FAM193A: variants seen among roughly 807,000 people sequenced by gnomAD.
The protein encoded by FAM193A is protein FAM193A.
In FAM193A, 22 loss-of-function variants were observed where a neutral mutation model predicts 126.5. The ratio of observed to expected loss-of-function variants is 0.17; its 90% CI spans 0.12 to 0.25. The LOEUF (loss-of-function observed/expected upper bound fraction) is 0.25, where lower values mean the gene tolerates loss of function less well. Among genes scored for constraint, FAM193A ranks in the 10% least tolerant of loss-of-function variants. The pLI, the probability that FAM193A is intolerant of heterozygous loss-of-function variation, is 1.00. For synonymous variants in FAM193A, 761 were observed against 646.8 expected, an observed-to-expected ratio of 1.18 and a Z score of -2.68; for missense variants, 1,675 against 1,672.8, an observed-to-expected ratio of 1.00 and a Z score of -0.02.
At chr4:2,590,712 G>T (rs2108897343) in intron 1 of FAM193A, among the ~76,000 whole-genome samples, 1 of 151,748 alleles carries the variant, frequency 6.6e-6, no homozygotes, top group Non-Finnish European at 1.5e-5. Flanking sequence ...GTAGTATAAT[G>T]AATATATGAT....
chr4:2,559,571 C>T (rs575003126), intron 1 of FAM193A, among the ~76,000 whole-genome samples: 6 of 152,328 alleles, frequency 3.9e-5, no homozygotes, highest in African/African-American at 1.2e-4. Flanking sequence ...GCTGGGATTA[C>T]AGGCGTGAGC....
At chr4:2,571,402 G>A (rs929900863) in intron 1 of FAM193A, among the ~76,000 whole-genome samples, 1 of 152,100 alleles carries the variant, frequency 6.6e-6, no homozygotes, top group African/African-American at 2.4e-5. Context: ...GTGAACTTCT[G>A]TTTGGTTATG....
intron 2 of FAM193A, among the ~76,000 whole-genome samples, chr4:2,609,507 A>G (rs1460290423): frequency 6.6e-6 from 1 of 152,140 alleles, no homozygotes; most frequent in African/African-American, 2.4e-5. Flanking sequence ...CTTTATTCTC[A>G]TATATCATAT....
chr4:2,544,914 G>T (rs569695083), intron 1 of FAM193A, among the ~76,000 whole-genome samples: 2 of 151,868 alleles, frequency 1.3e-5, no homozygotes, highest in Non-Finnish European at 2.9e-5. Flanking sequence ...TTTTCCGGAT[G>T]TTCCCTCATC....
intron 1 of FAM193A, among the ~76,000 whole-genome samples, chr4:2,547,281 G>C (rs769849155): frequency 6.6e-6 from 1 of 152,084 alleles, no homozygotes; most frequent in East Asian, 1.9e-4. Flanking sequence ...CCAGCTACTC[G>C]GGAGGTTGAG....
rs145409203 is a variant in FAM193A at position 2,656,032 on chromosome 4, C to T, written c.1312-1771C>T. Among the ~76,000 whole-genome samples the T allele has an allele frequency of 3.9e-3, 587 of 152,264 alleles. 2 individuals carry two copies. Among genetic ancestry groups the T allele is most frequent in the African/African-American group, 0.012 (478 of 41,540 alleles). Reference sequence around the variant, plus strand: ...AAATTCCTGGCCTCAAGTGATCCTCCTGCTTTGGCCTACCAAAGTGCTGGG... The same window carrying T: ...AAATTCCTGGCCTCAAGTGATCCTCTTGCTTTGGCCTACCAAAGTGCTGGG... On this transcript the variant is annotated intron_variant, in intron 7 of 20. Transcript: ENST00000637812.
chr4:2,571,781 C>A (rs983145106), intron 1 of FAM193A, among the ~76,000 whole-genome samples: 5 of 151,606 alleles, frequency 3.3e-5, no homozygotes, highest in African/African-American at 1.2e-4. Context: ...CTCAGGTGAT[C>A]CACCGGCCTC....
At chr4:2,542,130 C>G (rs1737274450) in intron 1 of FAM193A, among the ~76,000 whole-genome samples, 1 of 152,076 alleles carries the variant, frequency 6.6e-6, no homozygotes, top group Non-Finnish European at 1.5e-5. Context: ...ATTCTTTTGC[C>G]TCAGCCTCCT....
intron 1 of FAM193A, among the ~76,000 whole-genome samples, chr4:2,541,802 GC>G (rs1034460487): frequency 7.9e-5 from 12 of 151,830 alleles, no homozygotes; most frequent in African/African-American, 2.9e-4. Context: ...TGTATTTTAA[GC>G]TTTTAAAATA....
chr4:2,701,778 AT>A (rs747065399), intron 19 of FAM193A, among the ~76,000 whole-genome samples: 308 of 142,520 alleles, frequency 2.2e-3, no homozygotes, highest in Non-Finnish European at 1.8e-3. Flanking sequence ...TCATATGGTG[AT>A]TTTTTTTTTT....
chr4:2,726,778 CAA>C (rs71589604), intron 20 of FAM193A, among the ~76,000 whole-genome samples: 4,316 of 44,918 alleles, frequency 0.096, 135 homozygotes, highest in African/African-American at 0.21. Context: ...CTAAAAATAC[CAA>C]AAAAAAAAAA....
intron 19 of FAM193A, among the ~76,000 whole-genome samples, chr4:2,712,793 GC>G (rs1719122624): frequency 6.6e-6 from 1 of 151,204 alleles, no homozygotes; most frequent in Non-Finnish European, 1.5e-5. Flanking sequence ...GGGGTTTTTT[GC>G]TTTTTTATTT....
chr4:2,590,928 G>A lies in FAM193A; in HGVS notation c.256-5156G>A, dbSNP rs544074447. Among the ~76,000 whole-genome samples, 305 of 152,026 alleles carry A rather than the reference G, an allele frequency of 2.0e-3. 1 individual carries two copies. Among genetic ancestry groups the A allele is most frequent in the Middle Eastern group, 0.01 (3 of 294 alleles). ...TGTAATCCCAGCTACTTGGTAGGCT[G>A]AGGCAGGAGAATCACTTGAACCTGG... is the stretch of plus-strand genomic sequence containing the variant. On this transcript the variant is annotated intron_variant, in intron 1 of 20. Coordinates refer to ENST00000637812, the MANE Select transcript of FAM193A (RefSeq NM_001366318.2).
chr4:2,642,981 G>A (rs532992508), intron 6 of FAM193A, among the ~76,000 whole-genome samples: 12 of 152,018 alleles, frequency 7.9e-5, no homozygotes, highest in African/African-American at 1.2e-4. Flanking sequence ...TGGATTTTCC[G>A]TTTGCTCATT....
At chr4:2,687,017 C>G (rs964815528) in intron 13 of FAM193A, among the ~76,000 whole-genome samples, 4 of 152,070 alleles carry the variant, frequency 2.6e-5, no homozygotes, top group Admixed American at 1.3e-4. Context: ...TTTACTGTAT[C>G]CTGGGTGGCC....
At chr4:2,694,875 C>T (rs1339758555) in intron 16 of FAM193A, 71 bp from the exon 17 acceptor site, 1 of 1,336,964 alleles carries the variant, frequency 7.5e-7, no homozygotes, top group Non-Finnish European at 1.0e-6. Flanking sequence ...AGTGGGTGGT[C>T]ATGTGCAACA....
At chr4:2,725,564 T>TTACA (rs1337441672) in intron 20 of FAM193A, among the ~76,000 whole-genome samples, 1 of 151,222 alleles carries the variant, frequency 6.6e-6, no homozygotes, top group Non-Finnish European at 1.5e-5. Flanking sequence ...ACCTGCTGTA[T>TTACA]TGTATAGACT....
chr4:2,590,494 AACAAAAAAAAAC>A (rs1740493555), intron 1 of FAM193A, among the ~76,000 whole-genome samples: 5 of 98,564 alleles, frequency 5.1e-5, no homozygotes, highest in Admixed American at 8.7e-5. Flanking sequence ...AACAAAAAAA[AACAAAAAAAAAC>A]AAAAAAAAAA....
intron 19 of FAM193A, among the ~76,000 whole-genome samples, chr4:2,704,551 C>T (rs555502483): frequency 3.3e-4 from 50 of 151,998 alleles, no homozygotes; most frequent in African/African-American, 1.2e-3. Flanking sequence ...GGCAACAGAG[C>T]AAGACCCTAT....
Sources: allele counts gnomAD v4.1 joint callset (sites outside exome capture counted in the v4.1 genomes callset), GRCh38; gene constraint gnomAD v4.1.1; transcripts MANE v1.5; gene names NCBI Gene and HGNC (gene_info 2026-07-23, HGNC 2026-07-21).